FMNL2: variants seen among roughly 807,000 people sequenced by gnomAD.
The protein encoded by FMNL2 is formin like 2, also known as formin-like protein 2.
In FMNL2, 51 loss-of-function variants were observed where a neutral mutation model predicts 130.2. The observed-to-expected ratio is 0.39, with a 90% CI of 0.31 to 0.49. FMNL2 has a LOEUF of 0.49. Among genes scored for constraint, FMNL2 ranks in the 20% least tolerant of loss-of-function variants. The probability of loss-of-function intolerance (pLI) is 0.85; values close to 1 mark genes in which losing one functional copy is unlikely to be tolerated. For synonymous variants in FMNL2, 465 were observed against 467.1 expected (o/e 1.00, Z 0.06); for missense variants, 977 against 1,316.2 (o/e 0.74, Z 3.99).
At chr2:152,532,464 T>C (rs1399091336) in intron 2 of FMNL2, among the ~76,000 whole-genome samples, 5 of 152,180 alleles carry the variant, frequency 3.3e-5, no homozygotes, top group African/African-American at 9.7e-5. Context: ...TATGGGCATA[T>C]GGCAGTATCT....
chr2:152,606,921 C>A (rs186740564), intron 9 of FMNL2, among the ~76,000 whole-genome samples: 3 of 150,604 alleles, frequency 2.0e-5, no homozygotes, highest in African/African-American at 7.3e-5. Context: ...TTTAAATGTG[C>A]CTTTTAAAGA....
At chr2:152,538,564 G>A (rs1694134063) in intron 2 of FMNL2, among the ~76,000 whole-genome samples, 1 of 152,230 alleles carries the variant, frequency 6.6e-6, no homozygotes, top group South Asian at 2.1e-4. Context: ...ACAGGCGTGA[G>A]CCACTGCACC....
intron 25 of FMNL2, among the ~76,000 whole-genome samples, chr2:152,645,970 G>A (rs1683515528): frequency 6.6e-6 from 1 of 152,060 alleles, no homozygotes; most frequent in Non-Finnish European, 1.5e-5. Context: ...TACCAGTGTG[G>A]GCTAGGAAGC....
At chr2:152,593,906 A>T (rs62179594) in intron 9 of FMNL2, among the ~76,000 whole-genome samples, 1,608 of 79,710 alleles carry the variant, frequency 0.02, 8 homozygotes, top group East Asian at 0.059. Flanking sequence ...TGTGTGTGAG[A>T]GAGAGAGAGA....
chr2:152,590,371 A>C (rs186513132), intron 9 of FMNL2, among the ~76,000 whole-genome samples: 7 of 152,254 alleles, frequency 4.6e-5, no homozygotes, highest in African/African-American at 1.7e-4. Context: ...TAATCCCAGC[A>C]CTTTGGGAGG....
intron 1 of FMNL2, among the ~76,000 whole-genome samples, chr2:152,519,397 A>G (rs1327577938): frequency 6.6e-6 from 1 of 152,188 alleles, no homozygotes; most frequent in African/African-American, 2.4e-5. Flanking sequence ...TTGTTGAACG[A>G]AAGACTCTTT....
intron 1 of FMNL2, among the ~76,000 whole-genome samples, chr2:152,435,603 C>T (rs1687713363): frequency 6.7e-6 from 1 of 150,000 alleles, no homozygotes; most frequent in African/African-American, 2.4e-5. Context: ...AAAAAGCCCT[C>T]ACAAGTGATG....
chr2:152,613,709 A>G (rs185842725), intron 11 of FMNL2, among the ~76,000 whole-genome samples: 3 of 152,358 alleles, frequency 2.0e-5, no homozygotes, highest in Admixed American at 6.5e-5. Context: ...TGTATGCTAT[A>G]TAAATGCTTC....
chr2:152,533,488 C>T (rs546182908), intron 2 of FMNL2, among the ~76,000 whole-genome samples: 11 of 149,822 alleles, frequency 7.3e-5, no homozygotes, highest in South Asian at 6.3e-4. Flanking sequence ...TTTATCCTTA[C>T]GCCAATATGT....
At chr2:152,430,778 C>T (rs927591154) in intron 1 of FMNL2, among the ~76,000 whole-genome samples, 3 of 152,098 alleles carry the variant, frequency 2.0e-5, no homozygotes, top group Admixed American at 2.0e-4. Context: ...GAGGCTGAGG[C>T]ACGAGAATTG....
intron 1 of FMNL2, among the ~76,000 whole-genome samples, chr2:152,338,818 G>GACACACACACACACACAC (rs767062578): frequency 7.1e-4 from 43 of 60,396 alleles, no homozygotes; most frequent in South Asian, 3.5e-3. Context: ...TGGAAGGTGA[G>GACACACACACACACACAC]ATACACACAC....
chr2:152,481,163 A>G (rs961824899), intron 1 of FMNL2, among the ~76,000 whole-genome samples: 1 of 152,242 alleles, frequency 6.6e-6, no homozygotes, highest in Non-Finnish European at 1.5e-5. Flanking sequence ...CTGAACAAAA[A>G]GTTCAGCTTT....
intron 1 of FMNL2, among the ~76,000 whole-genome samples, chr2:152,343,172 C>G (rs2105739012): frequency 6.6e-6 from 1 of 152,316 alleles, no homozygotes; most frequent in East Asian, 1.9e-4. Flanking sequence ...ACCATTGCCA[C>G]AGAAGCTGAA....
At chr2:152,647,650 T>C in intron 25 of FMNL2, 146 bp from the exon 26 acceptor site, 1 of 726,498 alleles carries the variant, frequency 1.4e-6, no homozygotes, top group Non-Finnish European at 2.5e-6. Context: ...TTTATGTCTT[T>C]GATTCAATGC....
At chr2:152,414,740 T>C (rs1686511716) in intron 1 of FMNL2, among the ~76,000 whole-genome samples, 1 of 152,196 alleles carries the variant, frequency 6.6e-6, no homozygotes, top group Non-Finnish European at 1.5e-5. Flanking sequence ...TCTTTACAAC[T>C]CTGCACCTTC....
intron 1 of FMNL2, among the ~76,000 whole-genome samples, chr2:152,344,036 A>C (rs1257700112): frequency 6.6e-6 from 1 of 152,094 alleles, no homozygotes; most frequent in Non-Finnish European, 1.5e-5. Context: ...CTGTAGTCAC[A>C]GCTTACCTGG....
intron 10 of FMNL2, among the ~76,000 whole-genome samples, chr2:152,609,527 CAAA>C (rs892297603): frequency 3.3e-5 from 5 of 152,018 alleles, no homozygotes; most frequent in African/African-American, 1.2e-4. Flanking sequence ...CAAAAGAAAA[CAAA>C]AACCATTTTG....
chr2:152,366,883 T>C (rs1030737239), intron 1 of FMNL2, among the ~76,000 whole-genome samples: 1 of 152,032 alleles, frequency 6.6e-6, no homozygotes, highest in East Asian at 1.9e-4. Flanking sequence ...AAGTGGAGGA[T>C]TGCTTGAGCC....
At chr2:152,594,507 AAGTTT>A (rs1697648487) in intron 9 of FMNL2, among the ~76,000 whole-genome samples, 1 of 152,178 alleles carries the variant, frequency 6.6e-6, no homozygotes, top group Admixed American at 6.5e-5. Context: ...CCCTTGGCTC[AAGTTT>A]CATTTCAAAA....
Sources: gnomAD v4.1 joint callset for allele counts (sites outside exome capture counted in the v4.1 genomes callset) on GRCh38, gnomAD v4.1.1 for gene constraint, MANE v1.5 for transcripts, NCBI Gene and HGNC (gene_info 2026-07-23, HGNC 2026-07-21) for gene names.